EEA1: variants seen among roughly 807,000 people sequenced by gnomAD.
EEA1 encodes the protein early endosome antigen 1, also known as early endosome antigen 1, 162kD.
Under a neutral mutation model 209.2 loss-of-function variants are expected in EEA1, and 111 were observed. That is an observed-to-expected ratio of 0.53 (90% CI 0.45 to 0.62). The LOEUF (loss-of-function observed/expected upper bound fraction) is 0.62, where lower values mean the gene tolerates loss of function less well. Ranked by LOEUF, EEA1 falls within the 20% of genes least tolerant of loss-of-function variation. The pLI, the probability that EEA1 is intolerant of heterozygous loss-of-function variation, is 0.00. For synonymous variants in EEA1, 536 were observed against 540.6 expected, an observed-to-expected ratio of 0.99 and a Z score of 0.12; for missense variants, 1,343 against 1,530.8, an observed-to-expected ratio of 0.88 and a Z score of 2.05.
At chr12:92,865,525 T>G (rs1878343983) in intron 2 of EEA1, among the ~76,000 whole-genome samples, 1 of 152,026 alleles carries the variant, frequency 6.6e-6, no homozygotes, top group Non-Finnish European at 1.5e-5. Flanking sequence ...GGCCTAAAAT[T>G]AATGTGTAGC....
At chr12:92,812,367 G>A (rs183494350) in intron 16 of EEA1, among the ~76,000 whole-genome samples, 20 of 151,412 alleles carry the variant, frequency 1.3e-4, no homozygotes, top group Admixed American at 1.3e-3. Context: ...ATTACTCCCT[G>A]AATAACAAGT....
At position 92,857,488 on chromosome 12, in the gene EEA1, A is replaced by G. The variant is rs1054246476; in HGVS notation, c.246-3T>C. 1 of 1,563,216 alleles carries G rather than the reference A, an allele frequency of 6.4e-7. No individual in the cohort carries two copies. The highest frequency in any genetic ancestry group is 1.3e-5 in the South Asian group (1 of 79,808). ...GTCTGAGCAGTGTTACATCATCTCT[A>G]AATAAAAATGGGAGGAAGGAATTAA... On this transcript the variant is annotated splice_region_variant and splice_polypyrimidine_tract_variant and intron_variant, in intron 3 of 28. Coordinates refer to ENST00000322349, the MANE Select transcript of EEA1 (RefSeq NM_003566.4).
chr12:92,800,177 G>A (rs1874844023), intron 20 of EEA1, among the ~76,000 whole-genome samples: 1 of 152,132 alleles, frequency 6.6e-6, no homozygotes, highest in Admixed American at 6.6e-5. Flanking sequence ...AGCCGAGATT[G>A]CGCCACTGCA....
rs1592693743 is a variant in EEA1 at position 92,772,488 on chromosome 12, T to C, written c.*3523A>G. On this transcript the variant is annotated 3_prime_UTR_variant, in exon 29 of 29. Transcript: ENST00000322349. ...TTCTCTCTTTTGTTAGACAAAACAA[T>C]TTATAGTCACAGAATACAACTAGTT... The C allele has an allele frequency of 6.6e-6, 1 of 151,962 alleles. No homozygotes were observed. The highest frequency in any genetic ancestry group is 1.9e-4 in the East Asian group (1 of 5,190). The allele number at this position is 151,962 out of a possible 1,614,324, so 9.4% of individuals were successfully genotyped here.
intron 1 of EEA1, among the ~76,000 whole-genome samples, chr12:92,923,370 G>A (rs1881086317): frequency 6.6e-6 from 1 of 152,032 alleles, no homozygotes; most frequent in Non-Finnish European, 1.5e-5. Flanking sequence ...AAAATTTTCT[G>A]TGGCTCCTTA....
chr12:92,808,802 T>C (rs1483696816), intron 18 of EEA1, among the ~76,000 whole-genome samples: 1 of 152,236 alleles, frequency 6.6e-6, no homozygotes, highest in Non-Finnish European at 1.5e-5. Flanking sequence ...CCAAATTTTA[T>C]AAAACTAAGT....
intron 1 of EEA1, among the ~76,000 whole-genome samples, chr12:92,907,666 T>C (rs1481896551): frequency 6.6e-6 from 1 of 152,180 alleles, no homozygotes; most frequent in Non-Finnish European, 1.5e-5. Flanking sequence ...AATCAAGCAA[T>C]GGATTTCTCA....
chr12:92,875,878 G>A (rs932900334), intron 2 of EEA1, among the ~76,000 whole-genome samples: 3 of 152,070 alleles, frequency 2.0e-5, no homozygotes, highest in Non-Finnish European at 4.4e-5. Flanking sequence ...CTGTTCCACA[G>A]ACCTGGAAAA....
chr12:92,848,398 G>T (rs957677907), intron 9 of EEA1, among the ~76,000 whole-genome samples: 1 of 151,996 alleles, frequency 6.6e-6, no homozygotes, highest in Non-Finnish European at 1.5e-5. Context: ...AAGGCAGAAG[G>T]ATCTGCTTGA....
chr12:92,883,399 T>C (rs1879244131), intron 2 of EEA1, among the ~76,000 whole-genome samples: 1 of 152,234 alleles, frequency 6.6e-6, no homozygotes, highest in African/African-American at 2.4e-5. Flanking sequence ...TCTTTCACTG[T>C]GCAGAGGCTC....
At chr12:92,835,001 C>A (rs1876848698) in intron 10 of EEA1, among the ~76,000 whole-genome samples, 1 of 152,038 alleles carries the variant, frequency 6.6e-6, no homozygotes, top group Non-Finnish European at 1.5e-5. Context: ...CTGCCTCAGC[C>A]TCCCCAGCAG....
chr12:92,788,967 C>A (rs1170569603), intron 21 of EEA1, among the ~76,000 whole-genome samples: 1 of 152,080 alleles, frequency 6.6e-6, no homozygotes, highest in Non-Finnish European at 1.5e-5. Context: ...ATTGCTGGCC[C>A]TCTTTTAATC....
At chr12:92,790,532 A>T (rs1159249084) in intron 21 of EEA1, among the ~76,000 whole-genome samples, 1 of 152,224 alleles carries the variant, frequency 6.6e-6, no homozygotes, top group Non-Finnish European at 1.5e-5. Flanking sequence ...AAAGGGTATC[A>T]GTGATTGAAG....
intron 13 of EEA1, among the ~76,000 whole-genome samples, chr12:92,820,816 T>A (rs1307467890): frequency 6.6e-6 from 1 of 151,962 alleles, no homozygotes; most frequent in Non-Finnish European, 1.5e-5. Flanking sequence ...CACACTGTTT[T>A]CAAACCTTAA....
intron 1 of EEA1, among the ~76,000 whole-genome samples, chr12:92,900,434 GT>G (rs532422609): frequency 0.27 from 39,519 of 144,478 alleles, 5,660 homozygotes; most frequent in Non-Finnish European, 0.34. Flanking sequence ...TTTACTGTGT[GT>G]TTTTTTTTTT....
intron 24 of EEA1, 130 bp from the exon 25 acceptor site, chr12:92,779,430 C>A: frequency 1.2e-6 from 1 of 816,552 alleles, no homozygotes; most frequent in African/African-American, 1.8e-5. Context: ...TCTTAAAGTT[C>A]AGTATTTTAA....
intron 1 of EEA1, among the ~76,000 whole-genome samples, chr12:92,917,566 A>C (rs1172633579): frequency 6.6e-6 from 1 of 151,732 alleles, no homozygotes; most frequent in Non-Finnish European, 1.5e-5. Context: ...TCACCACCAG[A>C]CCTGCCCTAA....
intron 21 of EEA1, among the ~76,000 whole-genome samples, chr12:92,788,655 G>GA (rs1311884105): frequency 1.3e-5 from 2 of 152,080 alleles, no homozygotes; most frequent in Non-Finnish European, 2.9e-5. Flanking sequence ...TGCATAGTAT[G>GA]AAAAATAGGT....
intron 24 of EEA1, 40 bp downstream of exon 24, chr12:92,780,240 T>C: frequency 3.8e-6 from 6 of 1,569,828 alleles, no homozygotes; most frequent in Non-Finnish European, 5.2e-6. Context: ...TAAAGAGCAA[T>C]ATAACACAGA....
Sources: gnomAD v4.1 joint callset for allele counts (sites outside exome capture counted in the v4.1 genomes callset) on GRCh38, gnomAD v4.1.1 for gene constraint, MANE v1.5 for transcripts, NCBI Gene and HGNC (gene_info 2026-07-23, HGNC 2026-07-21) for gene names.